The following CACNA2D3 variants were observed in gnomAD, a reference collection of about 807,000 sequenced individuals.
CACNA2D3 encodes voltage-dependent calcium channel subunit alpha-2/delta-3.
A neutral mutation model predicts 160.6 loss-of-function variants in CACNA2D3; 60 were observed. The ratio of observed to expected loss-of-function variants is 0.37; its 90% CI spans 0.30 to 0.46. The LOEUF is 0.46. CACNA2D3 is among the 20% of genes least tolerant of loss of function. The pLI is 1.00. For missense variants in CACNA2D3, 1,205 were observed against 1,365.0 expected (o/e 0.88, Z 1.85); for synonymous variants, 558 against 492.9 (o/e 1.13, Z -1.75).
At chr3:54,401,786 A>G (rs1699470324) in intron 4 of CACNA2D3, among the ~76,000 whole-genome samples, 1 of 152,202 alleles carries the variant, frequency 6.6e-6, no homozygotes, top group African/African-American at 2.4e-5. Flanking sequence ...AAGGATGTGA[A>G]TTACTAATGT....
chr3:54,688,344 A>G (rs1038851575), intron 11 of CACNA2D3, among the ~76,000 whole-genome samples: 3 of 152,008 alleles, frequency 2.0e-5, no homozygotes, highest in Non-Finnish European at 2.9e-5. Flanking sequence ...CCTTGTCTCC[A>G]TACTCATTTT....
At chr3:54,809,034 A>G (rs1402551345) in intron 13 of CACNA2D3, among the ~76,000 whole-genome samples, 1 of 152,286 alleles carries the variant, frequency 6.6e-6, no homozygotes, top group East Asian at 1.9e-4. Flanking sequence ...TCATGAAATA[A>G]TGTTATTACT....
intron 4 of CACNA2D3, among the ~76,000 whole-genome samples, chr3:54,423,731 G>A (rs1699871771): frequency 6.6e-6 from 1 of 152,014 alleles, no homozygotes; most frequent in Admixed American, 6.6e-5. Context: ...GTCAGAGTGG[G>A]GATTCCATCC....
intron 4 of CACNA2D3, among the ~76,000 whole-genome samples, chr3:54,464,734 G>C (rs1700581477): frequency 6.6e-6 from 1 of 152,246 alleles, no homozygotes; most frequent in Non-Finnish European, 1.5e-5. Flanking sequence ...TCCTGAGTGA[G>C]GCAATGCCTC....
At chr3:54,209,473 G>C (rs1701332603) in intron 2 of CACNA2D3, among the ~76,000 whole-genome samples, 1 of 152,166 alleles carries the variant, frequency 6.6e-6, no homozygotes, top group Non-Finnish European at 1.5e-5. Flanking sequence ...AATTATCCCT[G>C]TACCGATTCT....
In CACNA2D3 at chr3:54,838,613, G is replaced by T; in HGVS notation, c.1516G>T (p.Val506Leu). The T allele has an allele frequency of 1.2e-6, 2 of 1,613,694 alleles. No homozygotes were observed. Among genetic ancestry groups the T allele is most frequent in the Non-Finnish European group, 1.7e-6 (2 of 1,179,628 alleles). ...LLGVVGTDVPVKELLKTIPKY... is the reference protein window; with the variant it reads ...LLGVVGTDVPLKELLKTIPKY... ...GGGAGTGGTTGGCACAGATGTCCCA[G>T]TGAAAGAACTTCTGAAGACCATCCC... The change falls in exon 16 of 38, where the codon GTG (valine) becomes TTG (leucine). Residue 506 changes from valine to leucine, a missense_variant. Around this residue, in one of 3 missense-constraint regions of CACNA2D3, gnomAD observed 911 missense variants for 1,002.2 expected, o/e 0.91. Transcript: ENST00000474759.
In CACNA2D3 at chr3:54,288,267, A is replaced by G. The variant is rs141463941; in HGVS notation, c.205-32175A>G. ...TCACCACCGATTCCACAGAAATACA[A>G]ACTACCATCAGAAAATACTACAAAC... On this transcript the variant is annotated intron_variant, in intron 2 of 37. Coordinates refer to ENST00000474759, the MANE Select transcript of CACNA2D3 (RefSeq NM_018398.3). 1.2e-3 allele frequency among the ~76,000 whole-genome samples: 181 copies of G among 152,350 alleles called. 7 individuals carry two copies. The East Asian group carries it at 0.033, about 28-fold the overall frequency.
chr3:54,727,477 A>G (rs1701300142), intron 11 of CACNA2D3, among the ~76,000 whole-genome samples: 1 of 152,208 alleles, frequency 6.6e-6, no homozygotes, highest in Admixed American at 6.5e-5. Flanking sequence ...TTGCAGCACT[A>G]TTCACAATAG....
chr3:54,846,927 C>G (rs1165127245), intron 17 of CACNA2D3, among the ~76,000 whole-genome samples: 2 of 152,226 alleles, frequency 1.3e-5, no homozygotes, highest in Middle Eastern at 3.2e-3. Context: ...TACTTAAGCC[C>G]AGTGTCTTGT....
intron 2 of CACNA2D3, among the ~76,000 whole-genome samples, chr3:54,206,302 G>C (rs764205263): frequency 1.3e-5 from 2 of 152,144 alleles, no homozygotes; most frequent in East Asian, 3.9e-4. Context: ...ACTGAGAAAC[G>C]GTGGCTCTGT....
At chr3:54,424,355 T>C (rs1442440455) in intron 4 of CACNA2D3, among the ~76,000 whole-genome samples, 1 of 152,174 alleles carries the variant, frequency 6.6e-6, no homozygotes, top group Non-Finnish European at 1.5e-5. Context: ...TAATGTTGAT[T>C]GAGGTACAAA....
At chr3:54,351,529 G>A (rs1698565481) in intron 3 of CACNA2D3, among the ~76,000 whole-genome samples, 5 of 152,174 alleles carry the variant, frequency 3.3e-5, no homozygotes, top group Admixed American at 3.3e-4. Flanking sequence ...TAGTAACTAA[G>A]GGTAGTTGTG....
intron 3 of CACNA2D3, among the ~76,000 whole-genome samples, chr3:54,357,595 G>A (rs976426842): frequency 4.6e-5 from 7 of 152,146 alleles, no homozygotes; most frequent in Admixed American, 3.3e-4. Context: ...AGTTGAAAAC[G>A]TATGTCCAAA....
chr3:54,307,066 G>C (rs1056022906), intron 2 of CACNA2D3, among the ~76,000 whole-genome samples: 2 of 152,108 alleles, frequency 1.3e-5, no homozygotes, highest in African/African-American at 4.8e-5. Flanking sequence ...CTCCAGACTG[G>C]CTCATTTCTC....
At chr3:54,295,815 A>C (rs6414572) in intron 2 of CACNA2D3, among the ~76,000 whole-genome samples, 77,280 of 152,032 alleles carry the variant, frequency 0.51, 20,043 homozygotes, top group East Asian at 0.72. Flanking sequence ...GCTTTCTATA[A>C]ATTTTTGTAG....
chr3:54,508,732 G>A (rs780793966), intron 5 of CACNA2D3, among the ~76,000 whole-genome samples: 20 of 152,304 alleles, frequency 1.3e-4, no homozygotes, highest in Middle Eastern at 3.4e-3. Context: ...GCTAGACCAC[G>A]CTTTCATCCT....
At chr3:54,242,028 C>A (rs1701983440) in intron 2 of CACNA2D3, among the ~76,000 whole-genome samples, 1 of 152,132 alleles carries the variant, frequency 6.6e-6, no homozygotes. Context: ...AGTACCAAAA[C>A]CTGTATACAC....
intron 2 of CACNA2D3, among the ~76,000 whole-genome samples, chr3:54,239,999 T>C (rs1701945915): frequency 6.6e-6 from 1 of 152,234 alleles, no homozygotes; most frequent in Non-Finnish European, 1.5e-5. Context: ...CTGTGGAATC[T>C]TATTTCAGGC....
intron 4 of CACNA2D3, among the ~76,000 whole-genome samples, chr3:54,457,237 A>G (rs918362512): frequency 6.6e-6 from 1 of 151,742 alleles, no homozygotes; most frequent in Non-Finnish European, 1.5e-5. Flanking sequence ...GCTGTATCCT[A>G]TAGGTTTTGG....
Sources: gnomAD v4.1 joint callset for allele counts (sites outside exome capture counted in the v4.1 genomes callset) on GRCh38, gnomAD v4.1.1 for gene constraint, gnomAD v4.1.1 regional missense constraint, MANE v1.5 for transcripts, NCBI Gene and HGNC (gene_info 2026-07-23, HGNC 2026-07-21) for gene names.